The following KAT6B variants were observed in gnomAD, a reference collection of about 807,000 sequenced individuals.
The protein encoded by KAT6B is histone acetyltransferase KAT6B.
KAT6B carries 10 observed loss-of-function variants against 187.5 expected under a neutral mutation model. The ratio of observed to expected loss-of-function variants is 0.05; its 90% CI spans 0.03 to 0.09. KAT6B has a LOEUF of 0.09. Among genes scored for constraint, KAT6B ranks in the 10% least tolerant of loss-of-function variants. The pLI, the probability that KAT6B is intolerant of heterozygous loss-of-function variation, is 1.00. For synonymous variants in KAT6B, 861 were observed against 926.8 expected, an observed-to-expected ratio of 0.93 and a Z score of 1.29; for missense variants, 1,952 against 2,558.9, an observed-to-expected ratio of 0.76 and a Z score of 5.12.
At chr10:74,976,990 A>G (rs893179770) in intron 8 of KAT6B, 56 of 303,724 alleles carry the variant, frequency 1.8e-4, no homozygotes, top group African/African-American at 1.1e-3. Context: ...AAAAGTGATA[A>G]TGGGAATGCT....
chr10:74,857,601 G>C (rs970670523), intron 3 of KAT6B, among the ~76,000 whole-genome samples: 1 of 152,178 alleles, frequency 6.6e-6, no homozygotes, highest in Non-Finnish European at 1.5e-5. Context: ...AGACATTTTT[G>C]GGGGAGCCCA....
At chr10:74,955,940 G>C (rs1840659009) in intron 3 of KAT6B, among the ~76,000 whole-genome samples, 1 of 151,966 alleles carries the variant, frequency 6.6e-6, no homozygotes. Context: ...CCCTTCTTTT[G>C]AGAAACAGGG....
chr10:74,979,780 A>G (rs1842393763), intron 10 of KAT6B, among the ~76,000 whole-genome samples: 3 of 152,206 alleles, frequency 2.0e-5, no homozygotes. Context: ...AAATTTAGCA[A>G]AAGAAGGAAA....
At chr10:74,974,159 A>G (rs1358088970) in intron 7 of KAT6B, among the ~76,000 whole-genome samples, 10 of 152,052 alleles carry the variant, frequency 6.6e-5, no homozygotes, top group African/African-American at 2.4e-4. Flanking sequence ...TAGTGACACT[A>G]GAGATCTCTA....
intron 3 of KAT6B, among the ~76,000 whole-genome samples, chr10:74,859,448 C>A (rs541675593): frequency 6.6e-6 from 1 of 152,170 alleles, no homozygotes; most frequent in Admixed American, 6.5e-5. Context: ...AAAAGAAACT[C>A]ATTTATTTAA....
At chr10:74,969,607 A>G (rs556043614) in intron 4 of KAT6B, 53 bp from the exon 5 acceptor site, 6 of 1,067,324 alleles carry the variant, frequency 5.6e-6, no homozygotes, top group Non-Finnish European at 8.7e-6. Flanking sequence ...ATGGGAGTTT[A>G]AAAAAGTCAA....
intron 3 of KAT6B, among the ~76,000 whole-genome samples, chr10:74,928,653 A>G (rs1314978170): frequency 6.6e-6 from 1 of 152,204 alleles, no homozygotes; most frequent in Non-Finnish European, 1.5e-5. Context: ...GTCATTTGTC[A>G]TATGAACTTT....
chr10:74,990,638 C>T (rs1405880733), intron 13 of KAT6B, among the ~76,000 whole-genome samples: 1 of 152,158 alleles, frequency 6.6e-6, no homozygotes, highest in Non-Finnish European at 1.5e-5. Flanking sequence ...CCAAGGAGGG[C>T]CACCTTACCA....
At chr10:75,016,604 T>G (rs1564622635) in intron 13 of KAT6B, among the ~76,000 whole-genome samples, 1 of 152,246 alleles carries the variant, frequency 6.6e-6, no homozygotes, top group Non-Finnish European at 1.5e-5. Flanking sequence ...CCAGCACCTC[T>G]GGCTCACAGA....
chr10:74,998,209 C>T (rs1212568867), intron 13 of KAT6B, among the ~76,000 whole-genome samples: 1 of 116 alleles, frequency 8.6e-3, no homozygotes, highest in East Asian at 0.071. Flanking sequence ...CTGCCTTGGC[C>T]TCCCAAGTGT....
At chr10:74,950,037 T>C (rs1213477077) in intron 3 of KAT6B, among the ~76,000 whole-genome samples, 2 of 152,092 alleles carry the variant, frequency 1.3e-5, no homozygotes, top group Non-Finnish European at 2.9e-5. Context: ...GATATAGTGC[T>C]CCCTCACAGA....
At chr10:74,893,457 G>GT (rs34203053) in intron 3 of KAT6B, among the ~76,000 whole-genome samples, 14,717 of 145,162 alleles carry the variant, frequency 0.1, 927 homozygotes, top group Non-Finnish European at 0.15. Flanking sequence ...AAATCAGTGG[G>GT]TTTTTTTTTT....
chr10:74,982,043 A>G, intron 11 of KAT6B, 115 bp downstream of exon 11: 8 of 915,404 alleles, frequency 8.7e-6, no homozygotes, highest in Non-Finnish European at 1.1e-5. Context: ...TGGCACTGAA[A>G]TTCAGACTGC....
At chr10:74,850,096 G>A (rs1335074198) in intron 3 of KAT6B, among the ~76,000 whole-genome samples, 2 of 151,944 alleles carry the variant, frequency 1.3e-5, no homozygotes, top group African/African-American at 4.8e-5. Flanking sequence ...CCACCACCAC[G>A]CCCGGCTAAT....
chr10:75,022,712 C>T (rs1845532776), intron 16 of KAT6B, among the ~76,000 whole-genome samples: 1 of 152,176 alleles, frequency 6.6e-6, no homozygotes, highest in Non-Finnish European at 1.5e-5. Context: ...GGGCAGATCA[C>T]CTGAGGTCAG....
intron 2 of KAT6B, among the ~76,000 whole-genome samples, chr10:74,841,369 C>A (rs2132057512): frequency 6.6e-6 from 1 of 152,258 alleles, no homozygotes; most frequent in East Asian, 1.9e-4. Flanking sequence ...AGTTTGAGAC[C>A]AGCCTGGCCA....
rs1331032925 is a variant in KAT6B at position 75,031,372 on chromosome 10, GC to G, written c.*333del. On this transcript the variant is annotated 3_prime_UTR_variant, in exon 18 of 18. Transcript: ENST00000287239. ...TTCTGTTAAACAATGTGGATATCAA[GC>G]CCCCCCAAATTATCTGTTTTAATAT... The G allele has an allele frequency of 2.5e-6, 1 of 406,808 alleles. No homozygotes were observed. The allele number at this position is 406,808 out of a possible 1,614,324, so 25.2% of individuals were successfully genotyped here.
At chr10:75,024,808 A>G in intron 16 of KAT6B, 150 bp from the exon 17 acceptor site, 3 of 732,116 alleles carry the variant, frequency 4.1e-6, no homozygotes, top group Admixed American at 2.1e-5. Context: ...GGGATGTTAG[A>G]CATCAAATGG....
intron 3 of KAT6B, among the ~76,000 whole-genome samples, chr10:74,910,872 T>TAATC (rs1847154591): frequency 1.3e-5 from 2 of 152,360 alleles, no homozygotes; most frequent in South Asian, 2.1e-4. Flanking sequence ...TTTCCCGATC[T>TAATC]TGGGCTTGAG....
Sources: gnomAD v4.1 joint callset for allele counts (sites outside exome capture counted in the v4.1 genomes callset) on GRCh38, gnomAD v4.1.1 for gene constraint, MANE v1.5 for transcripts, NCBI Gene and HGNC (gene_info 2026-07-23, HGNC 2026-07-21) for gene names.